The following TRMT13 variants were observed in gnomAD, a reference collection of about 807,000 sequenced individuals.
The protein encoded by TRMT13 is tRNA:m(4)X modification enzyme TRM13 homolog.
Under a neutral mutation model 55.9 loss-of-function variants are expected in TRMT13, and 45 were observed. That is an observed-to-expected ratio of 0.80 (90% CI 0.63 to 1.03). The LOEUF is 1.03. Ranked by LOEUF, TRMT13 falls within the 50% of genes least tolerant of loss-of-function variation. TRMT13 has a pLI of 0.00. For missense variants in TRMT13, 513 were observed against 563.9 expected (o/e 0.91, Z 0.91); for synonymous variants, 183 against 196.3 (o/e 0.93, Z 0.57).
intron 8 of TRMT13, 49 bp downstream of exon 8, chr1:100,143,258 T>G (rs1281124223): frequency 1.5e-5 from 19 of 1,276,098 alleles, no homozygotes; most frequent in Admixed American, 1.9e-5. Flanking sequence ...ATAACTGTTT[T>G]AAACTCTGAG....
At chr1:100,136,293 A>G (rs75715728) in intron 1 of TRMT13, among the ~76,000 whole-genome samples, 2,897 of 152,308 alleles carry the variant, frequency 0.019, 36 homozygotes, top group Non-Finnish European at 0.03. Flanking sequence ...AAATCAGGAT[A>G]CATCTTAAAA....
intron 1 of TRMT13, among the ~76,000 whole-genome samples, chr1:100,135,662 C>G (rs1655738491): frequency 6.6e-6 from 1 of 152,140 alleles, no homozygotes; most frequent in Non-Finnish European, 1.5e-5. Context: ...GGGATCGTAG[C>G]TGGTAGGTAG....
In TRMT13 at chr1:100,149,298, G is replaced by A. The variant is rs1447373606; in HGVS notation, c.*478G>A. 6.5e-7 allele frequency: 1 copy of A among 1,531,422 alleles called. No homozygotes were observed. 94.9% of individuals were successfully genotyped at this position (1,531,422 alleles called of 1,614,324 possible). ...CTACAGATCTGGAAAGCACAATTGTGATTTTCTCAAATGCAGACAATTCAG... is the reference window on the plus strand; with the variant it reads ...CTACAGATCTGGAAAGCACAATTGTAATTTTCTCAAATGCAGACAATTCAG... On this transcript the variant is annotated 3_prime_UTR_variant, in exon 11 of 11. Transcript: ENST00000370141.
chr1:100,143,151 C>G lies in TRMT13; in HGVS notation c.684C>G (p.His228Gln), dbSNP rs1557911682. 1 of 1,608,898 alleles carries G rather than the reference C, an allele frequency of 6.2e-7. No homozygotes were observed. ...VTTRFKVDGK[H>Q]RKKNSVFERL... ...TGTTTGTGCAGGTGGATGGAAAACA[C>G]AGAAAGAAAAATTCAGTGTTTGAAA... The change falls in exon 8 of 11, where the codon CAC becomes CAG. Residue 228 changes from histidine (H) to glutamine (Q), a missense_variant. Transcript: ENST00000370141.
rs757838599 is a variant in TRMT13, at chr1:100,148,341, T to C, written c.1250+15T>C. 4.4e-6 allele frequency: 7 copies of C among 1,605,300 alleles called. No homozygotes were observed. Among genetic ancestry groups the C allele is most frequent in the Admixed American group, 1.7e-5 (1 of 59,702 alleles). On this transcript the variant is annotated intron_variant, in intron 10 of 10. Transcript: ENST00000370141. ...TGTTTGCCTGGGTAAGAGACTACTT[T>C]TGTAATGCATGATACTAAAGGAGAA...
chr1:100,141,100 T>A, intron 7 of TRMT13, 81 bp downstream of exon 7: 3 of 1,291,380 alleles, frequency 2.3e-6, no homozygotes, highest in Non-Finnish European at 3.2e-6. Context: ...TAGAAACATT[T>A]CTTAAAAGAA....
chr1:100,135,394 A>AG lies in TRMT13; in HGVS notation c.148-1488_148-1487insG, dbSNP rs57047250. Among the ~76,000 whole-genome samples the AG allele has an allele frequency of 2.3e-3, 350 of 152,236 alleles. 1 individual carries two copies. Among genetic ancestry groups the AG allele is most frequent in the African/African-American group, 7.6e-3 (314 of 41,520 alleles). On this transcript the variant is annotated intron_variant, in intron 1 of 10. Coordinates refer to ENST00000370141, the MANE Select transcript of TRMT13 (RefSeq NM_019083.3). ...AATATATAGTATTTTCAAAAAAAAAATTTCTTAGCTTTCCCATGAAATTCA... is the reference window on the plus strand; with the variant it reads ...AATATATAGTATTTTCAAAAAAAAAAGTTTCTTAGCTTTCCCATGAAATTCA...
chr1:100,139,007 C>A (rs1041968431), intron 3 of TRMT13, among the ~76,000 whole-genome samples: 1 of 152,074 alleles, frequency 6.6e-6, no homozygotes, highest in South Asian at 2.1e-4. Context: ...CCTATATTGC[C>A]CAGGCTGGTC....
In TRMT13 at chr1:100,149,069, T is replaced by C. The variant is rs146405325; in HGVS notation, c.*249T>C. 102 of 1,602,692 alleles carry C rather than the reference T, an allele frequency of 6.4e-5. No homozygotes were observed. In the African/African-American group the frequency reaches 1.2e-3, roughly 20 times the overall value. ...ATCCATCCGTATTTATGGAGATTGGTAAAGTAGTTGAACCGTTGACTTGGT... is the reference window on the plus strand; with the variant it reads ...ATCCATCCGTATTTATGGAGATTGGCAAAGTAGTTGAACCGTTGACTTGGT... On this transcript the variant is annotated 3_prime_UTR_variant, in exon 11 of 11. Coordinates refer to ENST00000370141, the MANE Select transcript of TRMT13 (RefSeq NM_019083.3).
rs181033524 is a variant in TRMT13, at chr1:100,149,464, C to T, written c.*644C>T. ...TTTTCAAAGAAAAAAGATTATTTCA[C>T]TTAATTATTTTGTTGGATAATTGTC... On this transcript the variant is annotated 3_prime_UTR_variant, in exon 11 of 11. Transcript: ENST00000370141. The T allele has an allele frequency of 2.9e-3, 4,485 of 1,528,518 alleles. 7 individuals are homozygous for T. The highest frequency in any genetic ancestry group is 3.4e-3 in the Non-Finnish European group (3,836 of 1,138,062). The allele number at this position is 1,528,518 out of a possible 1,614,324, so 94.7% of individuals were successfully genotyped here. A position where few individuals can be genotyped will look rare whatever the true frequency, so the allele number is the denominator to read the frequency against.
At chr1:100,145,102 G>A (rs1657072915) in intron 9 of TRMT13, among the ~76,000 whole-genome samples, 1 of 152,138 alleles carries the variant, frequency 6.6e-6, no homozygotes, top group Non-Finnish European at 1.5e-5. Flanking sequence ...GTTGCCTACA[G>A]TATTCAGTAA....
intron 9 of TRMT13, chr1:100,144,356 T>G (rs1656975861): frequency 1.5e-5 from 7 of 458,518 alleles, no homozygotes; most frequent in Non-Finnish European, 2.7e-5. Flanking sequence ...GAGTTTTGTA[T>G]GTAAATACTG....
rs1478979565 is a variant in TRMT13, at chr1:100,149,041, A to G, written c.*221A>G. 1 of 1,586,610 alleles carries G rather than the reference A, an allele frequency of 6.3e-7. No individual in the cohort carries two copies. Among genetic ancestry groups the G allele is most frequent in the Non-Finnish European group, 8.5e-7 (1 of 1,169,788 alleles). On this transcript the variant is annotated 3_prime_UTR_variant, in exon 11 of 11. Coordinates refer to ENST00000370141, the MANE Select transcript of TRMT13 (RefSeq NM_019083.3). ...TCTTTAGAAGGGCATCTTGAATTAT[A>G]TTATCCATCCGTATTTATGGAGATT... is the stretch of plus-strand genomic sequence containing the variant.
At chr1:100,140,748 A>G in intron 6 of TRMT13, 104 bp from the exon 7 acceptor site, 1 of 1,156,730 alleles carries the variant, frequency 8.6e-7, no homozygotes, top group Non-Finnish European at 1.2e-6. Flanking sequence ...AATACAAATT[A>G]TCAATGTAAG....
chr1:100,147,941 G>A lies in TRMT13; in HGVS notation c.865G>A (p.Glu289Lys), dbSNP rs574553092. The A allele has an allele frequency of 3.7e-6, 6 of 1,612,116 alleles. No individual in the cohort carries two copies. In the East Asian group the frequency reaches 1.1e-4, roughly 30 times the overall value. Residue 289 changes from glutamate (E) to lysine (K), a missense_variant, in exon 10 of 11, where the codon GAA (glutamate) becomes AAA (lysine). Physicochemically the swap from Glu to Lys is moderately conservative, Grantham distance 56. Transcript: ENST00000370141. ...LVETYAASFEERNEEPLAKRI... is the reference protein window; with the variant it reads ...LVETYAASFEKRNEEPLAKRI... Reference sequence around the variant, plus strand: ...TGAAACCTATGCTGCCAGTTTTGAGGAAAGGAATGAAGAACCTTTAGCCAA... The same window carrying A: ...TGAAACCTATGCTGCCAGTTTTGAGAAAAGGAATGAAGAACCTTTAGCCAA...
Position 100,149,084 on chromosome 1 carries a change from G to T in TRMT13, c.*264G>T. ...TGGAGATTGGTAAAGTAGTTGAACC[G>T]TTGACTTGGTGATCTGAAACATACA... On this transcript the variant is annotated 3_prime_UTR_variant, in exon 11 of 11. Coordinates refer to ENST00000370141, the MANE Select transcript of TRMT13 (RefSeq NM_019083.3). The T allele has an allele frequency of 6.2e-7, 1 of 1,600,876 alleles. No homozygotes were observed. The highest frequency in any genetic ancestry group is 2.3e-5 in the East Asian group (1 of 44,034).
chr1:100,139,748 A>G, intron 4 of TRMT13, 37 bp downstream of exon 4: 1 of 1,265,168 alleles, frequency 7.9e-7, no homozygotes, highest in Non-Finnish European at 1.1e-6. Context: ...TTTAAAAGAT[A>G]TTTATAAGCT....
At chr1:100,143,361 T>A (rs1305650934) in intron 8 of TRMT13, 152 bp downstream of exon 8, 1 of 501,458 alleles carries the variant, frequency 2.0e-6, no homozygotes, top group Non-Finnish European at 3.5e-6. Context: ...ATAATGTTTT[T>A]AAATAGATGT....
intron 1 of TRMT13, among the ~76,000 whole-genome samples, 174 bp from the exon 2 acceptor site, chr1:100,136,708 C>T (rs1443781521): frequency 6.6e-6 from 1 of 152,166 alleles, no homozygotes; most frequent in Non-Finnish European, 1.5e-5. Flanking sequence ...TAAGCCAGTA[C>T]ACTGGAGAGT....
Sources: allele counts gnomAD v4.1 joint callset (sites outside exome capture counted in the v4.1 genomes callset), GRCh38; gene constraint gnomAD v4.1.1; transcripts MANE v1.5; gene names NCBI Gene and HGNC (gene_info 2026-07-23, HGNC 2026-07-21).